The following ORC4 variants were observed in gnomAD, a reference collection of about 807,000 sequenced individuals.
ORC4 encodes the protein origin recognition complex subunit 4.
ORC4 carries 55 observed loss-of-function variants against 63.9 expected under a neutral mutation model. That is an observed-to-expected ratio of 0.86 (90% CI 0.69 to 1.08). The LOEUF (loss-of-function observed/expected upper bound fraction) is 1.08, where lower values mean the gene tolerates loss of function less well. Among genes scored for constraint, ORC4 ranks in the 50% least tolerant of loss-of-function variants. The pLI is 0.00. For synonymous variants in ORC4, 150 were observed against 168.5 expected (o/e 0.89, Z 0.85); for missense variants, 511 against 504.4 (o/e 1.01, Z -0.13).
At chr2:147,982,252 G>A (rs1166084278) in intron 1 of ORC4, among the ~76,000 whole-genome samples, 1 of 152,046 alleles carries the variant, frequency 6.6e-6, no homozygotes, top group Non-Finnish European at 1.5e-5. Flanking sequence ...AGTGTTATGA[G>A]AGGGAAAAAC....
Position 147,942,980 on chromosome 2 carries a change from G to A in ORC4, c.849+456C>T, listed in dbSNP as rs1688451158. Among the ~76,000 whole-genome samples, 3 of 152,066 alleles carry A rather than the reference G, an allele frequency of 2.0e-5. No individual in the cohort carries two copies. The South Asian group carries it at 6.2e-4, about 32-fold the overall frequency. ...GTAATGAATATGTGGGAAATGTAAT[G>A]AATATGTGGGAAACCAAAATTTCAA... is the stretch of plus-strand genomic sequence containing the variant. On this transcript the variant is annotated intron_variant, in intron 10 of 13. Coordinates refer to ENST00000392857, the MANE Select transcript of ORC4 (RefSeq NM_181741.4).
intron 9 of ORC4, among the ~76,000 whole-genome samples, chr2:147,945,805 A>G (rs568411725): frequency 1.2e-4 from 18 of 152,204 alleles, no homozygotes; most frequent in African/African-American, 4.3e-4. Context: ...CGGCACTAAG[A>G]GAAAGAATAG....
At chr2:148,018,111 A>C (rs1171890693) in intron 1 of ORC4, among the ~76,000 whole-genome samples, 1 of 152,218 alleles carries the variant, frequency 6.6e-6, no homozygotes, top group Non-Finnish European at 1.5e-5. Context: ...AACAAACAAA[A>C]AAACCTCCCA....
At chr2:147,953,252 C>CT (rs1689064078) in intron 7 of ORC4, among the ~76,000 whole-genome samples, 1 of 151,856 alleles carries the variant, frequency 6.6e-6, no homozygotes, top group Non-Finnish European at 1.5e-5. Flanking sequence ...TTGCAGTGAG[C>CT]TGAGATCACA....
chr2:147,961,976 C>A (rs1256083628), intron 4 of ORC4, among the ~76,000 whole-genome samples: 1 of 152,080 alleles, frequency 6.6e-6, no homozygotes, highest in African/African-American at 2.4e-5. Flanking sequence ...TGCTCGTACT[C>A]CCAACAAGAA....
rs1156466931 is a variant in ORC4, at chr2:147,931,442, A to G, written c.*4068T>C. ...CTGAGGAATCGCCACACTGACTTCC[A>G]CAATGGTTGAACTAGTTTACAGTCC... On this transcript the variant is annotated 3_prime_UTR_variant, in exon 14 of 14. Transcript: ENST00000392857. 1 of 152,100 alleles carries G rather than the reference A, an allele frequency of 6.6e-6. No individual in the cohort carries two copies. The highest frequency in any genetic ancestry group is 1.9e-4 in the East Asian group (1 of 5,188). The allele number at this position is 152,100 out of a possible 1,614,324, so 9.4% of individuals were successfully genotyped here.
At chr2:147,980,754 T>A (rs1690835923) in intron 1 of ORC4, among the ~76,000 whole-genome samples, 1 of 152,198 alleles carries the variant, frequency 6.6e-6, no homozygotes, top group Non-Finnish European at 1.5e-5. Context: ...GAAACTCTTG[T>A]ACACTGTTGG....
chr2:147,949,433 CAG>C (rs936852882), intron 8 of ORC4, among the ~76,000 whole-genome samples: 1 of 151,984 alleles, frequency 6.6e-6, no homozygotes, highest in African/African-American at 2.4e-5. Context: ...GGGGAGGGAA[CAG>C]GGGATTTGGG....
chr2:147,952,541 G>T lies in ORC4; in HGVS notation c.437-17C>A. 1 of 1,571,938 alleles carries T rather than the reference G, an allele frequency of 6.4e-7. No homozygotes were observed. The highest frequency in any genetic ancestry group is 8.8e-7 in the Non-Finnish European group (1 of 1,141,920). On this transcript the variant is annotated splice_polypyrimidine_tract_variant and intron_variant, in intron 7 of 13. Transcript: ENST00000392857. ...TTCGGTCACCTAAGATAAAATAAGA[G>T]CATTACATTAATAAGAAATTATATC...
At chr2:148,011,592 C>A (rs1184235081) in intron 1 of ORC4, among the ~76,000 whole-genome samples, 1 of 152,098 alleles carries the variant, frequency 6.6e-6, no homozygotes, top group Non-Finnish European at 1.5e-5. Flanking sequence ...CACTATTACT[C>A]AAGTTAGTAA....
At chr2:147,982,222 ATTT>A (rs1356522870) in intron 1 of ORC4, 1 of 152,100 alleles carries the variant, frequency 6.6e-6, no homozygotes. Flanking sequence ...ATCTTATTCT[ATTT>A]TTTATTTTTC....
At chr2:147,993,888 T>C (rs1224061667) in intron 1 of ORC4, among the ~76,000 whole-genome samples, 1 of 152,220 alleles carries the variant, frequency 6.6e-6, no homozygotes, top group Admixed American at 6.5e-5. Context: ...ATTATATTTT[T>C]ATCATTCTTT....
chr2:148,012,371 T>A (rs906775470), intron 1 of ORC4, among the ~76,000 whole-genome samples: 1 of 152,164 alleles, frequency 6.6e-6, no homozygotes, highest in Non-Finnish European at 1.5e-5. Flanking sequence ...CTTCAATAAA[T>A]GGTGTTGGGA....
chr2:147,932,579 A>C lies in ORC4; in HGVS notation c.*2931T>G, dbSNP rs1260646068. The C allele has an allele frequency of 2.0e-5, 3 of 152,166 alleles. No individual in the cohort carries two copies. Among genetic ancestry groups the C allele is most frequent in the Non-Finnish European group, 4.4e-5 (3 of 68,030 alleles). The allele number at this position is 152,166 out of a possible 1,614,324, so 9.4% of individuals were successfully genotyped here. Reference sequence around the variant, plus strand: ...AGGCTTACACCTTGACAACTGCAAGAATGAGGATAGTGGTGAGTGAAGGGA... The same window carrying C: ...AGGCTTACACCTTGACAACTGCAAGCATGAGGATAGTGGTGAGTGAAGGGA... On this transcript the variant is annotated 3_prime_UTR_variant, in exon 14 of 14. Transcript: ENST00000392857.
intron 13 of ORC4, among the ~76,000 whole-genome samples, chr2:147,936,052 G>A (rs1688034794): frequency 6.6e-6 from 1 of 152,076 alleles, no homozygotes; most frequent in South Asian, 2.1e-4. Flanking sequence ...CTAAGAATCA[G>A]ATAAGACTTT....
chr2:147,963,188 C>T (rs970756841), intron 4 of ORC4, among the ~76,000 whole-genome samples: 2 of 152,184 alleles, frequency 1.3e-5, no homozygotes, highest in African/African-American at 2.4e-5. Flanking sequence ...TTGCCAACTG[C>T]CCCTAACAGA....
At chr2:147,938,059 A>G in intron 13 of ORC4, 87 bp downstream of exon 13, 1 of 874,826 alleles carries the variant, frequency 1.1e-6, no homozygotes, top group Non-Finnish European at 1.9e-6. Flanking sequence ...TAATGTTTAA[A>G]AATGAAAGTG....
At chr2:148,004,525 C>G (rs1439648163) in intron 1 of ORC4, among the ~76,000 whole-genome samples, 1 of 152,086 alleles carries the variant, frequency 6.6e-6, no homozygotes, top group Non-Finnish European at 1.5e-5. Flanking sequence ...AAAGGATTCC[C>G]TCCCTATTTA....
chr2:147,976,149 C>A (rs1690540389), intron 1 of ORC4, among the ~76,000 whole-genome samples, 174 bp from the exon 2 acceptor site: 1 of 152,084 alleles, frequency 6.6e-6, no homozygotes, highest in Non-Finnish European at 1.5e-5. Flanking sequence ...GCTGATTCAA[C>A]ACTCTCATAC....
Sources: allele counts gnomAD v4.1 joint callset (sites outside exome capture counted in the v4.1 genomes callset), GRCh38; gene constraint gnomAD v4.1.1; transcripts MANE v1.5; gene names NCBI Gene and HGNC (gene_info 2026-07-23, HGNC 2026-07-21).